The following ATG16L1 variants were observed in gnomAD, a reference collection of about 807,000 sequenced individuals.
ATG16L1 encodes autophagy-related protein 16-1.
Under a neutral mutation model 88.5 loss-of-function variants are expected in ATG16L1, and 37 were observed. That is an observed-to-expected ratio of 0.42 (90% CI 0.32 to 0.55). ATG16L1 has a LOEUF of 0.55. Among genes scored for constraint, ATG16L1 ranks in the 20% least tolerant of loss-of-function variants. The probability of loss-of-function intolerance (pLI) is 0.13; values close to 1 mark genes in which losing one functional copy is unlikely to be tolerated. For missense variants in ATG16L1, 554 were observed against 752.8 expected (o/e 0.74, Z 3.09); for synonymous variants, 301 against 281.0 (o/e 1.07, Z -0.71).
rs748179936 is a variant in ATG16L1 at position 233,265,101 on chromosome 2, A to T, written c.599A>T (p.Gln200Leu). 1.2e-6 allele frequency: 2 copies of T among 1,614,234 alleles called. No individual in the cohort carries two copies. The highest frequency in any genetic ancestry group is 1.7e-6 in the Non-Finnish European group (2 of 1,180,038). Residue 200 changes from glutamine (Q) to leucine (L), a missense_variant, in exon 5 of 18, where the codon CAG becomes CTG. Transcript: ENST00000392017. Reference protein sequence around the residue: ...LVTRWMAEKAQEANRLNAENE... With the variant: ...LVTRWMAEKALEANRLNAENE... The stretch of plus-strand genomic sequence containing the variant: ...ACCAGATGGATGGCTGAGAAAGCCC[A>T]GGAAGCCAATCGGCTTAATGCAGAG...
chr2:233,270,548 C>T (rs777552921), intron 6 of ATG16L1, among the ~76,000 whole-genome samples: 8 of 152,350 alleles, frequency 5.3e-5, no homozygotes, highest in Admixed American at 1.3e-4. Flanking sequence ...GTTACTGCCT[C>T]ACTGTTTCCT....
intron 2 of ATG16L1, among the ~76,000 whole-genome samples, chr2:233,258,254 C>T (rs1696956123): frequency 6.6e-6 from 1 of 152,114 alleles, no homozygotes; most frequent in Non-Finnish European, 1.5e-5. Flanking sequence ...ACACATTTAG[C>T]AATTGTAAAA....
intron 2 of ATG16L1, among the ~76,000 whole-genome samples, chr2:233,261,563 A>G (rs906712659): frequency 6.6e-6 from 1 of 152,214 alleles, no homozygotes; most frequent in African/African-American, 2.4e-5. Flanking sequence ...ATAACAATAC[A>G]TATAGAGATG....
chr2:233,282,484 C>T (rs1346686249), intron 11 of ATG16L1, among the ~76,000 whole-genome samples, 198 bp from the exon 12 acceptor site: 1 of 151,774 alleles, frequency 6.6e-6, no homozygotes, highest in African/African-American at 2.4e-5. Flanking sequence ...ATTGAGCAAG[C>T]TCAGAAAAAA....
intron 17 of ATG16L1, 24 bp downstream of exon 17, chr2:233,293,381 C>G (rs751059659): frequency 4.4e-6 from 7 of 1,600,404 alleles, no homozygotes; most frequent in Non-Finnish European, 6.0e-6. Flanking sequence ...TGTCTCAGCC[C>G]CCCGTTGCGT....
chr2:233,293,204 T>C (rs973642609), intron 16 of ATG16L1, 52 bp from the exon 17 acceptor site: 1 of 1,489,352 alleles, frequency 6.7e-7, no homozygotes, highest in Non-Finnish European at 9.4e-7. Flanking sequence ...ACAGAGATGC[T>C]GAATTGGGGG....
intron 2 of ATG16L1, among the ~76,000 whole-genome samples, chr2:233,261,814 T>A (rs1026344441): frequency 6.6e-6 from 1 of 152,212 alleles, no homozygotes; most frequent in Non-Finnish European, 1.5e-5. Flanking sequence ...GTTCTAGTTG[T>A]CTTCTGCTGT....
Position 233,264,034 on chromosome 2 carries a change from A to G in ATG16L1, c.358A>G (p.Lys120Glu). Residue 120 changes from lysine to glutamate, a missense_variant, in exon 4 of 18, where the codon AAG (lysine) becomes GAG (glutamate). Coordinates refer to ENST00000392017, the MANE Select transcript of ATG16L1 (RefSeq NM_030803.7). ...TGACCTGAATAACCAAATGCAGCGGAAGGACAGGGAGATGCAGATGAATGA... is the reference window on the plus strand; with the variant it reads ...TGACCTGAATAACCAAATGCAGCGGGAGGACAGGGAGATGCAGATGAATGA... ...VIDLNNQMQR[K>E]DREMQMNEAK... The G allele has an allele frequency of 1.2e-6, 2 of 1,614,088 alleles. No homozygotes were observed. The highest frequency in any genetic ancestry group is 8.5e-7 in the Non-Finnish European group (1 of 1,179,946).
Position 233,265,099 on chromosome 2 carries a change from C to T in ATG16L1, c.597C>T (p.Ala199=). The T allele has an allele frequency of 6.2e-7, 1 of 1,614,084 alleles. No individual in the cohort carries two copies. The highest frequency in any genetic ancestry group is 8.5e-7 in the Non-Finnish European group (1 of 1,180,010). The change falls in exon 5 of 18, where the codon GCC becomes GCT. Residue 199 remains alanine (A), a synonymous_variant. Coordinates refer to ENST00000392017, the MANE Select transcript of ATG16L1 (RefSeq NM_030803.7). ...TCACCAGATGGATGGCTGAGAAAGCCCAGGAAGCCAATCGGCTTAATGCAG... is the reference window on the plus strand; with the variant it reads ...TCACCAGATGGATGGCTGAGAAAGCTCAGGAAGCCAATCGGCTTAATGCAG... ...ELVTRWMAEK[A]QEANRLNAEN... is the part of the protein sequence containing the mutation.
At chr2:233,286,621 C>CTTTTTTTTTT (rs10676895) in intron 12 of ATG16L1, among the ~76,000 whole-genome samples, 29 of 93,294 alleles carry the variant, frequency 3.1e-4, no homozygotes, top group African/African-American at 1.0e-3. Context: ...GAAGCCCAAA[C>CTTTTTTTTTT]TTTTTTTTTT....
chr2:233,292,373 G>C lies in ATG16L1; in HGVS notation c.1581-14G>C, dbSNP rs750919253. The C allele has an allele frequency of 7.4e-6, 12 of 1,613,874 alleles. No individual in the cohort carries two copies. Among genetic ancestry groups the C allele is most frequent in the South Asian group, 5.5e-5 (5 of 91,068 alleles). The stretch of plus-strand genomic sequence containing the variant: ...TGAGCTCCCTCAGTGACAGTGCCCT[G>C]TTGTTTGTTTCAGTGCACCTGGGTT... On this transcript the variant is annotated splice_polypyrimidine_tract_variant and intron_variant, in intron 15 of 17. Transcript: ENST00000392017.
At chr2:233,264,758 T>C in intron 4 of ATG16L1, 134 bp from the exon 5 acceptor site, 1 of 1,199,140 alleles carries the variant, frequency 8.3e-7, no homozygotes, top group South Asian at 1.5e-5. Context: ...TGGATTATCC[T>C]GTAAACCATG....
rs750928281 is a variant in ATG16L1, at chr2:233,294,641, G to T, written c.*291G>T. ...AGCTCTGACCTTCCATACCTCACTT[G>T]GGGGAGCACAGGGCCCCGCTGGGCC... On this transcript the variant is annotated 3_prime_UTR_variant, in exon 18 of 18. Coordinates refer to ENST00000392017, the MANE Select transcript of ATG16L1 (RefSeq NM_030803.7). 2 of 247,974 alleles carry T rather than the reference G, an allele frequency of 8.1e-6. No homozygotes were observed. The highest frequency in any genetic ancestry group is 8.2e-5 in the East Asian group (1 of 12,210). 15.4% of individuals were successfully genotyped at this position (247,974 alleles called of 1,614,324 possible).
Position 233,253,332 on chromosome 2 carries a change from GTTTTTTTGT to G in ATG16L1, c.115+1398_115+1406del, listed in dbSNP as rs1481691254. 6.2e-5 allele frequency among the ~76,000 whole-genome samples: 7 copies of G among 112,908 alleles called. No individual in the cohort carries two copies. The East Asian group carries it at 7.9e-4, about 13-fold the overall frequency. 74.1% of individuals were successfully genotyped at this position (112,908 alleles called of 152,430 possible). ...CACAGCAGGTTAATGGTGAGACTGG[GTTTTTTTGT>G]TTTTTTTTTTTTTTTTTTTTGGAGA... is the stretch of plus-strand genomic sequence containing the variant. On this transcript the variant is annotated intron_variant, in intron 1 of 17. Coordinates refer to ENST00000392017, the MANE Select transcript of ATG16L1 (RefSeq NM_030803.7).
chr2:233,273,764 A>G lies in ATG16L1; in HGVS notation c.838A>G (p.Thr280Ala), dbSNP rs769075316. ...TGCTGGAGGCCTTCTGGATTCTATC[A>G]CTAATATCTTTGGGTAGGTTAGAAG... ...QPAGGLLDSI[T>A]NIFGRRSVSS... is the part of the protein sequence containing the mutation. The change falls in exon 8 of 18, where the codon ACT becomes GCT. Residue 280 changes from threonine to alanine, a missense_variant. Thr to Ala is a moderately conservative substitution (Grantham distance 58). Transcript: ENST00000392017. The G allele has an allele frequency of 1.3e-5, 21 of 1,614,060 alleles. No individual in the cohort carries two copies. Among genetic ancestry groups the G allele is most frequent in the Non-Finnish European group, 1.7e-5 (20 of 1,180,012 alleles).
Position 233,274,737 on chromosome 2 carries a change from G to C in ATG16L1, c.913G>C (p.Gly305Arg). The change falls in exon 9 of 18, where the codon GGT (glycine) becomes CGT (arginine). Residue 305 changes from glycine (G) to arginine (R), a missense_variant. Physicochemically the swap from Gly to Arg is moderately radical, Grantham distance 125 (BLOSUM62 -2). Coordinates refer to ENST00000392017, the MANE Select transcript of ATG16L1 (RefSeq NM_030803.7). ...QDNVDTHPGS[G>R]KEVRVPATAL... ...CAATGTGGATACTCATCCTGGTTCT[G>C]GTAAAGAAGTGAGGGTACCAGCTAC... The C allele has an allele frequency of 6.2e-7, 1 of 1,612,944 alleles. No homozygotes were observed. The highest frequency in any genetic ancestry group is 8.5e-7 in the Non-Finnish European group (1 of 1,179,026).
intron 7 of ATG16L1, 159 bp from the exon 8 acceptor site, chr2:233,273,562 T>C (rs1698132221): frequency 4.8e-6 from 3 of 623,522 alleles, no homozygotes; most frequent in Non-Finnish European, 8.4e-6. Flanking sequence ...TTCCCACTGT[T>C]TTCTGGCAGT....
intron 14 of ATG16L1, among the ~76,000 whole-genome samples, chr2:233,290,937 T>G (rs1240766259): frequency 6.6e-6 from 1 of 152,050 alleles, no homozygotes; most frequent in Admixed American, 6.5e-5. Flanking sequence ...AGCAAGGAAA[T>G]GGTTGCTTTG....
intron 1 of ATG16L1, among the ~76,000 whole-genome samples, chr2:233,255,898 T>A (rs1397386172): frequency 6.6e-6 from 1 of 152,210 alleles, no homozygotes; most frequent in Non-Finnish European, 1.5e-5. Context: ...CCTCCCAAGG[T>A]AGAAACAAAT....
Sources: gnomAD v4.1 joint callset for allele counts (sites outside exome capture counted in the v4.1 genomes callset) on GRCh38, gnomAD v4.1.1 for gene constraint, MANE v1.5 for transcripts, NCBI Gene and HGNC (gene_info 2026-07-23, HGNC 2026-07-21) for gene names.